NGDN: variants seen among roughly 807,000 people sequenced by gnomAD.
NGDN encodes the protein neuroguidin.
A neutral mutation model predicts 45.2 loss-of-function variants in NGDN; 41 were observed. The observed-to-expected ratio is 0.91, with a 90% CI of 0.71 to 1.18. The LOEUF (loss-of-function observed/expected upper bound fraction) is 1.18, where lower values mean the gene tolerates loss of function less well. Among genes scored for constraint, NGDN ranks in the 50% most tolerant of loss-of-function variants. The probability of loss-of-function intolerance (pLI) is 0.00; values close to 1 mark genes in which losing one functional copy is unlikely to be tolerated. For synonymous variants in NGDN, 137 were observed against 130.9 expected, an observed-to-expected ratio of 1.05 and a Z score of -0.32; for missense variants, 402 against 399.9, an observed-to-expected ratio of 1.01 and a Z score of -0.05.
At chr14:23,476,580 T>C (rs1456537471) in intron 8 of NGDN, among the ~76,000 whole-genome samples, 173 bp downstream of exon 8, 2 of 152,108 alleles carry the variant, frequency 1.3e-5, no homozygotes, top group Non-Finnish European at 2.9e-5. Context: ...GGATAGAAAC[T>C]AGGAAAATTT....
chr14:23,474,186 A>G (rs1893847379), intron 3 of NGDN, among the ~76,000 whole-genome samples: 1 of 147,440 alleles, frequency 6.8e-6, no homozygotes, highest in African/African-American at 2.5e-5. Context: ...GTTGATCTCA[A>G]GAGCTTAGCA....
chr14:23,469,804 T>TTGG (rs1273271927), intron 1 of NGDN, 77 bp downstream of exon 1: 26 of 1,576,108 alleles, frequency 1.6e-5, no homozygotes, highest in Non-Finnish European at 2.1e-5. Context: ...AGGCAAACTG[T>TTGG]TGGTACCAGG....
Position 23,477,732 on chromosome 14 carries a change from C to T in NGDN, c.928+172C>T, listed in dbSNP as rs924061991. 9 of 1,461,250 alleles carry T rather than the reference C, an allele frequency of 6.2e-6. No homozygotes were observed. The African/African-American group carries it at 1.3e-4, about 21-fold the overall frequency. The allele number at this position is 1,461,250 out of a possible 1,614,324, so 90.5% of individuals were successfully genotyped here. ...TTTGCTTTCCTGAGCTGGAAATCAG[C>T]ATCATTCACAAAATGAATCTCTGGA... On this transcript the variant is annotated intron_variant, in intron 10 of 10. Transcript: ENST00000408901.
chr14:23,477,574 T>C lies in NGDN; in HGVS notation c.928+14T>C. The C allele has an allele frequency of 6.2e-7, 1 of 1,614,112 alleles. No homozygotes were observed. The highest frequency in any genetic ancestry group is 8.5e-7 in the Non-Finnish European group (1 of 1,179,996). On this transcript the variant is annotated intron_variant, in intron 10 of 10. Transcript: ENST00000408901. ...GGAAGAAAAAAGGTCAGTGAACTGC[T>C]GGGACTTAGGTGATCAGGTGCAAGG... is the stretch of plus-strand genomic sequence containing the variant.
intron 3 of NGDN, chr14:23,471,413 T>C (rs1422238022): frequency 6.4e-6 from 1 of 156,870 alleles, no homozygotes; most frequent in East Asian, 1.9e-4. Flanking sequence ...GAAATAAGAC[T>C]GGAAAAGTCA....
intron 8 of NGDN, 144 bp downstream of exon 8, chr14:23,476,551 A>G (rs1198036267): frequency 1.2e-5 from 11 of 897,322 alleles, no homozygotes; most frequent in Non-Finnish European, 1.8e-5. Context: ...GTTTCTAAGA[A>G]TCAGGAGTTT....
At chr14:23,470,196 C>G in intron 2 of NGDN, 95 bp downstream of exon 2, 1 of 1,042,906 alleles carries the variant, frequency 9.6e-7, no homozygotes, top group Non-Finnish European at 1.5e-6. Flanking sequence ...TACGTGAATG[C>G]TTCCAAAAAC....
At chr14:23,477,687 C>T in intron 10 of NGDN, 127 bp downstream of exon 10, 1 of 1,496,520 alleles carries the variant, frequency 6.7e-7, no homozygotes, top group Middle Eastern at 1.8e-4. Context: ...GCAATAATCT[C>T]CTTAGGTGGG....
chr14:23,470,907 T>TG lies in NGDN; in HGVS notation c.75dup (p.Met26AspfsTer59). The stretch of plus-strand genomic sequence containing the variant: ...TTGTTTTATTTGGGCTAATTTCAGG[T>TG]GATGGCTGTAACTGCACAAGTGAAA... On this transcript the variant is annotated frameshift_variant and splice_region_variant, in exon 3 of 11. Coordinates refer to ENST00000408901, the MANE Select transcript of NGDN (RefSeq NM_001042635.2). LOFTEE classifies it high-confidence loss of function. 6.4e-7 allele frequency: 1 copy of TG among 1,565,094 alleles called. No homozygotes were observed. Among genetic ancestry groups the TG allele is most frequent in the Non-Finnish European group, 8.6e-7 (1 of 1,161,026 alleles).
At chr14:23,475,864 T>A in intron 6 of NGDN, 86 bp downstream of exon 6, 1 of 1,485,942 alleles carries the variant, frequency 6.7e-7, no homozygotes, top group Non-Finnish European at 9.2e-7. Context: ...ACCCTGGGAT[T>A]CTCTTAGGAC....
At chr14:23,472,895 C>T (rs116868473) in intron 3 of NGDN, among the ~76,000 whole-genome samples, 5,752 of 152,290 alleles carry the variant, frequency 0.038, 174 homozygotes, top group Middle Eastern at 0.13. Context: ...TTGTTTTTCT[C>T]TCATATGCTT....
chr14:23,477,379 G>C, intron 9 of NGDN, 23 bp downstream of exon 9: 1 of 1,613,820 alleles, frequency 6.2e-7, no homozygotes, highest in Non-Finnish European at 8.5e-7. Context: ...TATGGTTGTA[G>C]TAGGATGTGA....
At chr14:23,471,769 C>A (rs1312062063) in intron 3 of NGDN, among the ~76,000 whole-genome samples, 1 of 150,636 alleles carries the variant, frequency 6.6e-6, no homozygotes, top group African/African-American at 2.4e-5. Context: ...TGTGATTGTG[C>A]CACTGCATTC....
At chr14:23,469,931 C>G (rs1893732907) in intron 1 of NGDN, 111 bp from the exon 2 acceptor site, 31 of 1,282,242 alleles carry the variant, frequency 2.4e-5, no homozygotes, top group Admixed American at 3.8e-5. Flanking sequence ...GTGAAGGCCC[C>G]GAGTCTGGGT....
chr14:23,474,058 G>T (rs74039336), intron 3 of NGDN, among the ~76,000 whole-genome samples: 3 of 131,540 alleles, frequency 2.3e-5, no homozygotes, highest in Non-Finnish European at 3.3e-5. Context: ...AAAAAAAAAA[G>T]ACTGAGGTCA....
chr14:23,470,955 C>G lies in NGDN; in HGVS notation c.122C>G (p.Ala41Gly). The G allele has an allele frequency of 1.3e-6, 2 of 1,550,990 alleles. No homozygotes were observed. The highest frequency in any genetic ancestry group is 1.2e-5 in the South Asian group (1 of 80,616). ...AAATCACTGACACAAAAAGTTCAAG[C>G]TGGTGCCTATCCTACAGAAAAGGTA... ...QVKSLTQKVQ[A>G]GAYPTEKGLS... Residue 41 changes from alanine (A) to glycine (G), a missense_variant, in exon 3 of 11, where the codon GCT (alanine) becomes GGT (glycine). Physicochemically the swap from Ala to Gly is moderately conservative, Grantham distance 60. Coordinates refer to ENST00000408901, the MANE Select transcript of NGDN (RefSeq NM_001042635.2).
chr14:23,476,466 A>AT (rs1893907450), intron 8 of NGDN, 59 bp downstream of exon 8: 2 of 1,405,120 alleles, frequency 1.4e-6, no homozygotes, highest in Non-Finnish European at 1.9e-6. Context: ...CTCATGCTTT[A>AT]TACTAATGTG....
At chr14:23,470,224 T>C in intron 2 of NGDN, 123 bp downstream of exon 2, 1 of 786,214 alleles carries the variant, frequency 1.3e-6, no homozygotes. Flanking sequence ...TAAAATGATG[T>C]AATCAAAACC....
intron 2 of NGDN, 141 bp from the exon 3 acceptor site, chr14:23,470,765 C>G (rs1333832428): frequency 1.9e-6 from 1 of 529,992 alleles, no homozygotes; most frequent in African/African-American, 2.0e-5. Context: ...CCTATGCTTT[C>G]CGAGAAGTGA....
Sources: allele counts gnomAD v4.1 joint callset (sites outside exome capture counted in the v4.1 genomes callset), GRCh38; gene constraint gnomAD v4.1.1; transcripts MANE v1.5; gene names NCBI Gene and HGNC (gene_info 2026-07-23, HGNC 2026-07-21).